The following ADGRF4 variants were observed in gnomAD, a reference collection of about 807,000 sequenced individuals.
ADGRF4 encodes the protein G-protein coupled receptor PGR18.
Under a neutral mutation model 58.5 loss-of-function variants are expected in ADGRF4, and 63 were observed. That is an observed-to-expected ratio of 1.08 (90% CI 0.88 to 1.33). The LOEUF (loss-of-function observed/expected upper bound fraction) is 1.33. Ranked by LOEUF, ADGRF4 falls within the 40% of genes most tolerant of loss-of-function variation. ADGRF4 has a pLI of 0.00. For synonymous variants in ADGRF4, 313 were observed against 295.4 expected, an observed-to-expected ratio of 1.06 and a Z score of -0.61; for missense variants, 931 against 843.9, an observed-to-expected ratio of 1.10 and a Z score of -1.28.
intron 1 of ADGRF4, among the ~76,000 whole-genome samples, chr6:47,700,357 A>G (rs36028226): frequency 0.027 from 4,168 of 152,264 alleles, 99 homozygotes; most frequent in Non-Finnish European, 0.042. Flanking sequence ...CATCCCCTAC[A>G]ATTCCATCTG....
At chr6:47,719,450 G>T (rs1418174746) in intron 9 of ADGRF4, among the ~76,000 whole-genome samples, 1 of 152,174 alleles carries the variant, frequency 6.6e-6, no homozygotes, top group Non-Finnish European at 1.5e-5. Flanking sequence ...CTTTACAAAA[G>T]TTGACCCTTC....
chr6:47,713,297 A>T (rs189034552), intron 5 of ADGRF4, among the ~76,000 whole-genome samples: 228 of 152,298 alleles, frequency 1.5e-3, no homozygotes, highest in African/African-American at 5.2e-3. Flanking sequence ...TTCCATTTTT[A>T]AAAGGGAGAT....
rs577547648 is a variant in ADGRF4 at position 47,713,703 on chromosome 6, G to A, written c.553-95G>A. ...AAGAGAAATATGCCAAATAAGATTG[G>A]GTAACCTGATCTTTAGAAATTTCAG... On this transcript the variant is annotated intron_variant, in intron 5 of 9. Transcript: ENST00000283303. 7 of 969,560 alleles carry A rather than the reference G, an allele frequency of 7.2e-6. No individual in the cohort carries two copies. The African/African-American group carries it at 8.2e-5, about 11-fold the overall frequency. The allele number at this position is 969,560 out of a possible 1,614,324, so 60.1% of individuals were successfully genotyped here. A position where few individuals can be genotyped will look rare whatever the true frequency, so the allele number is the denominator to read the frequency against.
rs114748955 is a variant in ADGRF4 at position 47,700,113 on chromosome 6, C to T, written c.-17+1319C>T. Among the ~76,000 whole-genome samples, 658 of 152,212 alleles carry T rather than the reference C, an allele frequency of 4.3e-3. 3 individuals are homozygous for T. The highest frequency in any genetic ancestry group is 0.014 in the African/African-American group (574 of 41,512). On this transcript the variant is annotated intron_variant, in intron 1 of 9. Transcript: ENST00000283303. ...TCCCTCTCACCTTGTGGTACAGTTCCGGGGAGAGGAACCCTTTGGGAAAGT... is the reference window on the plus strand; with the variant it reads ...TCCCTCTCACCTTGTGGTACAGTTCTGGGGAGAGGAACCCTTTGGGAAAGT...
chr6:47,708,430 C>T (rs1771777294), intron 3 of ADGRF4, 152 bp downstream of exon 3: 1 of 591,704 alleles, frequency 1.7e-6, no homozygotes, highest in African/African-American at 1.9e-5. Context: ...TTGATAGATT[C>T]TCTTACATTT....
intron 2 of ADGRF4, 27 bp from the exon 3 acceptor site, chr6:47,708,197 G>C: frequency 1.3e-6 from 2 of 1,583,444 alleles, no homozygotes; most frequent in Non-Finnish European, 1.7e-6. Flanking sequence ...ACAGTAAAGA[G>C]GACCATTGGG....
Position 47,717,351 on chromosome 6 carries a change from G to A in ADGRF4, c.2034G>A (p.Glu678=), listed in dbSNP as rs575691649. Residue 678 remains glutamate (E), a splice_region_variant and synonymous_variant, in exon 8 of 10, where the codon GAG becomes GAA. Transcript: ENST00000283303. ...SSLKGKSRAA[E]NASLGPTNGS... ...TGAAGGGGAAATCGAGGGCAGCTGAGGTAAGCCTTCCCCTTTTAGTCTCAG... is the reference window on the plus strand; with the variant it reads ...TGAAGGGGAAATCGAGGGCAGCTGAAGTAAGCCTTCCCCTTTTAGTCTCAG... 1 of 1,606,516 alleles carries A rather than the reference G, an allele frequency of 6.2e-7. No individual in the cohort carries two copies. Among genetic ancestry groups the A allele is most frequent in the East Asian group, 2.2e-5 (1 of 44,830 alleles).
At chr6:47,700,649 T>C (rs901731109) in intron 1 of ADGRF4, among the ~76,000 whole-genome samples, 4 of 152,172 alleles carry the variant, frequency 2.6e-5, no homozygotes, top group Non-Finnish European at 5.9e-5. Context: ...CTCAATTCTT[T>C]TTTCACATAA....
intron 1 of ADGRF4, 36 bp from the exon 2 acceptor site, chr6:47,707,194 A>C: frequency 8.7e-7 from 1 of 1,143,678 alleles, no homozygotes; most frequent in Non-Finnish European, 1.3e-6. Flanking sequence ...TGAAGTTGTC[A>C]CCTTCAGGTG....
chr6:47,710,199 A>G (rs1109582), intron 3 of ADGRF4, among the ~76,000 whole-genome samples: 87,766 of 152,016 alleles, frequency 0.58, 26,119 homozygotes, highest in South Asian at 0.7. Context: ...AACACTTAGT[A>G]TTCATGGTGA....
At chr6:47,718,085 A>G (rs931401079) in intron 8 of ADGRF4, among the ~76,000 whole-genome samples, 2 of 152,234 alleles carry the variant, frequency 1.3e-5, no homozygotes, top group Non-Finnish European at 2.9e-5. Context: ...TAATTTATCT[A>G]TTCTAAGATA....
chr6:47,698,956 G>A (rs1269977084), intron 1 of ADGRF4, among the ~76,000 whole-genome samples, 162 bp downstream of exon 1: 2 of 152,214 alleles, frequency 1.3e-5, no homozygotes, highest in African/African-American at 4.8e-5. Context: ...GCTAGCTCAA[G>A]GTTGGAGTAT....
At chr6:47,709,585 G>A (rs1422715758) in intron 3 of ADGRF4, among the ~76,000 whole-genome samples, 1 of 152,160 alleles carries the variant, frequency 6.6e-6, no homozygotes, top group East Asian at 1.9e-4. Flanking sequence ...AAACTTATTT[G>A]TTGTTTATCT....
In ADGRF4 at chr6:47,714,591, C is replaced by G. The variant is rs745649368; in HGVS notation, c.1346C>G (p.Ser449Cys). Reference protein sequence around the residue: ...RHVCIVNIAVSLLTANVWFII... With the variant: ...RHVCIVNIAVCLLTANVWFII... ...GTGTGCATCGTGAATATAGCAGTGT[C>G]CCTTCTGACTGCCAATGTGTGGTTT... The change falls in exon 6 of 10, where the codon TCC (serine) becomes TGC (cysteine). Residue 449 changes from serine (S) to cysteine (C), a missense_variant. Ser to Cys is a moderately radical substitution (Grantham distance 112). Coordinates refer to ENST00000283303, the MANE Select transcript of ADGRF4 (RefSeq NM_153838.5). 1.1e-5 allele frequency: 18 copies of G among 1,614,138 alleles called. No individual in the cohort carries two copies. Among genetic ancestry groups the G allele is most frequent in the Non-Finnish European group, 1.5e-5 (18 of 1,180,002 alleles).
intron 1 of ADGRF4, among the ~76,000 whole-genome samples, 172 bp downstream of exon 1, chr6:47,698,966 T>C (rs954292380): frequency 6.6e-6 from 1 of 152,244 alleles, no homozygotes; most frequent in Non-Finnish European, 1.5e-5. Context: ...GGTTGGAGTA[T>C]TTCCTAAGCC....
chr6:47,719,353 T>C (rs1024153952), intron 9 of ADGRF4, among the ~76,000 whole-genome samples: 1 of 151,970 alleles, frequency 6.6e-6, no homozygotes, highest in Non-Finnish European at 1.5e-5. Flanking sequence ...TGGAGTGGCA[T>C]GTGTTAGTGC....
At chr6:47,710,924 C>T (rs770011291) in intron 4 of ADGRF4, 38 bp downstream of exon 4, 10 of 1,582,054 alleles carry the variant, frequency 6.3e-6, no homozygotes, top group South Asian at 1.1e-5. Flanking sequence ...AGAAGCCAAT[C>T]CCCCAGCAGA....
chr6:47,709,652 C>T (rs1581693581), intron 3 of ADGRF4, among the ~76,000 whole-genome samples: 1 of 152,298 alleles, frequency 6.6e-6, no homozygotes, highest in East Asian at 1.9e-4. Context: ...TTGCCTAATG[C>T]TGAAATTTAT....
At position 47,714,842 on chromosome 6, in the gene ADGRF4, A is replaced by G; in HGVS notation, c.1597A>G (p.Thr533Ala). 1 of 1,610,826 alleles carries G rather than the reference A, an allele frequency of 6.2e-7. No homozygotes were observed. The highest frequency in any genetic ancestry group is 1.7e-5 in the Admixed American group (1 of 59,978). ...GTGCCCATTGATCATTGCTGTCACT[A>G]CAGTTGCTATCACAGAGCCAGAGAA... is the stretch of plus-strand genomic sequence containing the variant. Reference protein sequence around the residue: ...YGCPLIIAVTTVAITEPEKGY... With the variant: ...YGCPLIIAVTAVAITEPEKGY... Residue 533 changes from threonine to alanine, a missense_variant, in exon 6 of 10, where the codon ACA becomes GCA. Thr to Ala is a moderately conservative substitution (Grantham distance 58). Coordinates refer to ENST00000283303, the MANE Select transcript of ADGRF4 (RefSeq NM_153838.5).
Sources: allele counts gnomAD v4.1 joint callset (sites outside exome capture counted in the v4.1 genomes callset), GRCh38; gene constraint gnomAD v4.1.1; transcripts MANE v1.5; gene names NCBI Gene and HGNC (gene_info 2026-07-23, HGNC 2026-07-21).